Variants in RP1L1 observed in about 807,000 individuals in gnomAD.
RP1L1 encodes the protein RP1 like 1, also known as retinitis pigmentosa 1-like 1 protein.
RP1L1 carries 27 observed loss-of-function variants against 15.7 expected under a neutral mutation model. That is an observed-to-expected ratio of 1.72 (90% CI 1.27 to 2.38). The LOEUF is 2.38. Ranked by LOEUF, RP1L1 falls within the 30% of genes most tolerant of loss-of-function variation. RP1L1 has a pLI of 0.00. For missense variants in RP1L1, 4,798 were observed against 3,075.9 expected (o/e 1.56, Z -13.24); for synonymous variants, 1,813 against 1,276.7 (o/e 1.42, Z -8.96).
intron 2 of RP1L1, among the ~76,000 whole-genome samples, chr8:10,618,554 T>A (rs1027517687): frequency 6.6e-6 from 1 of 151,816 alleles, no homozygotes; most frequent in African/African-American, 2.4e-5. Flanking sequence ...TAGCCAGGCA[T>A]AGTGGCATGT....
In RP1L1 at chr8:10,607,974, G is replaced by A. The variant is rs768322665; in HGVS notation, c.6124C>T (p.Gln2042Ter). The A allele has an allele frequency of 3.7e-6, 6 of 1,612,014 alleles. No homozygotes were observed. In the Middle Eastern group the frequency reaches 6.6e-4, roughly 178 times the overall value. ...GGCTGGGCATCCCCTTCTGTCTTCT[G>A]GGTCTCCCCTTCAACCTCCTGGGCC... is the stretch of plus-strand genomic sequence containing the variant. ...EEAQEVEGET[Q>*]KTEGDAQPES... Residue 2042 changes from glutamine (Q) to a stop codon, truncating the protein, a stop_gained, in exon 4 of 4, where the codon CAG (glutamine) becomes TAG (stop). Transcript: ENST00000382483. LOFTEE classifies it low-confidence loss of function (END_TRUNC).
At chr8:10,647,970 G>A (rs1798503637) in intron 1 of RP1L1, among the ~76,000 whole-genome samples, 1 of 151,970 alleles carries the variant, frequency 6.6e-6, no homozygotes, top group South Asian at 2.1e-4. Flanking sequence ...GGTGCACAAG[G>A]AATCCAGATT....
At position 10,619,398 on chromosome 8, in the gene RP1L1, G is replaced by T. The variant is rs538205538; in HGVS notation, c.610-2811C>A. 5.4e-4 allele frequency among the ~76,000 whole-genome samples: 82 copies of T among 152,288 alleles called. 1 individual carries two copies. The South Asian group carries it at 0.017, about 32-fold the overall frequency. On this transcript the variant is annotated intron_variant, in intron 2 of 3. Transcript: ENST00000382483. ...TGAGACATCAAAAGATGCCCTCGTTGTTCTAGTACCCATCATCTTCCCATT... is the reference window on the plus strand; with the variant it reads ...TGAGACATCAAAAGATGCCCTCGTTTTTCTAGTACCCATCATCTTCCCATT...
At chr8:10,645,527 C>A (rs1798463886) in intron 1 of RP1L1, among the ~76,000 whole-genome samples, 2 of 152,156 alleles carry the variant, frequency 1.3e-5, no homozygotes, top group African/African-American at 4.8e-5. Context: ...TGTCCAATAT[C>A]ACTTTGTACA....
chr8:10,631,634 G>C (rs1798254008), intron 1 of RP1L1, among the ~76,000 whole-genome samples: 1 of 152,222 alleles, frequency 6.6e-6, no homozygotes, highest in Non-Finnish European at 1.5e-5. Flanking sequence ...TCCACGGTTT[G>C]TCCCTGTCCC....
chr8:10,634,131 G>C (rs570066954), intron 1 of RP1L1, among the ~76,000 whole-genome samples: 3 of 152,232 alleles, frequency 2.0e-5, no homozygotes, highest in Non-Finnish European at 4.4e-5. Context: ...GAAGTGATGG[G>C]AGCATAACAT....
intron 3 of RP1L1, among the ~76,000 whole-genome samples, chr8:10,614,398 G>A (rs144762144): frequency 0.025 from 3,785 of 152,182 alleles, 141 homozygotes; most frequent in African/African-American, 0.082. Context: ...GATAGCTCAC[G>A]CCTGTAATCC....
At position 10,610,211 on chromosome 8, in the gene RP1L1, G is replaced by A. The variant is rs376754630; in HGVS notation, c.3887C>T (p.Thr1296Ile). ...CTCTAATTGCACCTCTTCTTGCACT[G>A]TGTTTTCAGCTAACTGCTCCAGGTT... ...SSNLEQLAEN[T>I]VQEEVQLEET... Residue 1296 changes from threonine (T) to isoleucine (I), a missense_variant, in exon 4 of 4, where the codon ACA becomes ATA. Coordinates refer to ENST00000382483, the MANE Select transcript of RP1L1 (RefSeq NM_178857.6). 2 of 1,415,404 alleles carry A rather than the reference G, an allele frequency of 1.4e-6. No homozygotes were observed. Among genetic ancestry groups the A allele is most frequent in the Non-Finnish European group, 1.9e-6 (2 of 1,054,242 alleles). 87.7% of individuals were successfully genotyped at this position (1,415,404 alleles called of 1,614,324 possible). A position where few individuals can be genotyped will look rare whatever the true frequency, so the allele number is the denominator to read the frequency against.
At chr8:10,650,310 G>T (rs537793982) in intron 1 of RP1L1, among the ~76,000 whole-genome samples, 1 of 152,160 alleles carries the variant, frequency 6.6e-6, no homozygotes. Flanking sequence ...TTTTAGCTGG[G>T]AATTTTGTTT....
chr8:10,630,720 A>T (rs1180600154), intron 1 of RP1L1, among the ~76,000 whole-genome samples: 1 of 152,134 alleles, frequency 6.6e-6, no homozygotes, highest in Non-Finnish European at 1.5e-5. Context: ...CTCTAAATTC[A>T]CGTCTTGCAC....
At chr8:10,616,094 A>C (rs1797959997) in intron 3 of RP1L1, among the ~76,000 whole-genome samples, 1 of 151,430 alleles carries the variant, frequency 6.6e-6, no homozygotes, top group African/African-American at 2.4e-5. Flanking sequence ...TTTTTTTTAG[A>C]GACAGTGTCT....
At position 10,611,944 on chromosome 8, in the gene RP1L1, G is replaced by T. The variant is rs181556707; in HGVS notation, c.2154C>A (p.Asn718Lys). Residue 718 changes from asparagine to lysine, a missense_variant, in exon 4 of 4, where the codon AAC (asparagine) becomes AAA (lysine). Transcript: ENST00000382483. ...SSSTRTQASG[N>K]LRPPSSGSLP... is the part of the protein sequence containing the mutation. ...GAGAGCCCGAGGAGGGAGGTCTCAGGTTCCCAGAGGCCTGTGTCCTGGTGC... is the reference window on the plus strand; with the variant it reads ...GAGAGCCCGAGGAGGGAGGTCTCAGTTTCCCAGAGGCCTGTGTCCTGGTGC... 8.2e-4 allele frequency: 1,322 copies of T among 1,613,896 alleles called. 1 individual carries two copies. Among genetic ancestry groups the T allele is most frequent in the Admixed American group, 1.0e-3 (63 of 60,030 alleles).
In RP1L1 at chr8:10,609,024, T is replaced by C; in HGVS notation, c.5074A>G (p.Ile1692Val). The C allele has an allele frequency of 1.2e-6, 2 of 1,613,560 alleles. No homozygotes were observed. The highest frequency in any genetic ancestry group is 1.7e-6 in the Non-Finnish European group (2 of 1,179,524). ...TGTTCTCCCCTCTTCCTCTGCAGAATCTGCTGCAGGTCAAAGGCCTCTTTG... is the reference window on the plus strand; with the variant it reads ...TGTTCTCCCCTCTTCCTCTGCAGAACCTGCTGCAGGTCAAAGGCCTCTTTG... ...PIKEAFDLQQ[I>V]LQRKRGEHTD... The change falls in exon 4 of 4, where the codon ATT becomes GTT. Residue 1692 changes from isoleucine to valine, a missense_variant. Physicochemically the swap from Ile to Val is conservative, Grantham distance 29 (BLOSUM62 3). Transcript: ENST00000382483.
rs372245422 is a variant in RP1L1, at chr8:10,608,775, T to C, written c.5323A>G (p.Lys1775Glu). 1.1e-5 allele frequency: 17 copies of C among 1,614,096 alleles called. No homozygotes were observed. In the African/African-American group the frequency reaches 1.7e-4, roughly 16 times the overall value. ...GCACTGGTTTCACTGTTGTGGGTTT[T>C]CCCTTCTCTCTCCTGAGCCATTGCA... The part of the protein sequence containing the change: ...GDAMAQEREG[K>E]THNSETSAGS... Residue 1775 changes from lysine to glutamate, a missense_variant, in exon 4 of 4, where the codon AAA becomes GAA. Transcript: ENST00000382483.
chr8:10,617,941 C>A (rs936305053), intron 2 of RP1L1, among the ~76,000 whole-genome samples: 1 of 152,166 alleles, frequency 6.6e-6, no homozygotes, highest in African/African-American at 2.4e-5. Context: ...TAAACGGTAG[C>A]TAACGGAAGG....
chr8:10,636,348 C>G lies in RP1L1; in HGVS notation c.-19-13128G>C, dbSNP rs9644685. Among the ~76,000 whole-genome samples the G allele has an allele frequency of 1.2e-4, 19 of 152,304 alleles. No homozygotes were observed. In the East Asian group the frequency reaches 3.7e-3, roughly 29 times the overall value. ...GAGCCGGTCTGCAGGCGGCCAGACC[C>G]GTCAGCATCCCAGGGCTAGCCTTTG... is the stretch of plus-strand genomic sequence containing the variant. On this transcript the variant is annotated intron_variant, in intron 1 of 3. Transcript: ENST00000382483.
chr8:10,638,841 C>T (rs536791938), intron 1 of RP1L1, among the ~76,000 whole-genome samples: 2 of 152,268 alleles, frequency 1.3e-5, no homozygotes, highest in South Asian at 4.1e-4. Context: ...TGCCTCTGCT[C>T]TCTGATAGAG....
In RP1L1 at chr8:10,608,232, G is replaced by C. The variant is rs1229889017; in HGVS notation, c.5866C>G (p.Pro1956Ala). Residue 1956 changes from proline to alanine, a missense_variant, in exon 4 of 4, where the codon CCA (proline) becomes GCA (alanine). Pro to Ala is a conservative substitution (Grantham distance 27, BLOSUM62 -1). Coordinates refer to ENST00000382483, the MANE Select transcript of RP1L1 (RefSeq NM_178857.6). ...TGGGACTCTATAACTTCTGACTCTG[G>C]CTGGGTCTGCCCTTCTGCCTCCTGG... ...AAQEAEGQTQPESEVIESQEA... is the reference protein window; with the variant it reads ...AAQEAEGQTQAESEVIESQEA... 2 of 1,563,766 alleles carry C rather than the reference G, an allele frequency of 1.3e-6. No individual in the cohort carries two copies. Among genetic ancestry groups the C allele is most frequent in the Admixed American group, 1.8e-5 (1 of 56,706 alleles).
In RP1L1 at chr8:10,640,373, T is replaced by C. The variant is rs566582206; in HGVS notation, c.-20+14525A>G. ...TCATTCTAATTTTGTTTTTTAATAC[T>C]TTGTGGCTAGGCGTGATGGCTCATT... On this transcript the variant is annotated intron_variant, in intron 1 of 3. Coordinates refer to ENST00000382483, the MANE Select transcript of RP1L1 (RefSeq NM_178857.6). Among the ~76,000 whole-genome samples, 5 of 152,332 alleles carry C rather than the reference T, an allele frequency of 3.3e-5. No homozygotes were observed. In the South Asian group the frequency reaches 1.0e-3, roughly 32 times the overall value.
Sources: allele counts gnomAD v4.1 joint callset (sites outside exome capture counted in the v4.1 genomes callset), GRCh38; gene constraint gnomAD v4.1.1; transcripts MANE v1.5; gene names NCBI Gene and HGNC (gene_info 2026-07-23, HGNC 2026-07-21).